Variants in UCK2 observed in about 807,000 individuals in gnomAD.
UCK2 encodes the protein uridine-cytidine kinase 2, also known as cytidine monophosphokinase 2.
A neutral mutation model predicts 30.8 loss-of-function variants in UCK2; 6 were observed. That is an observed-to-expected ratio of 0.19 (90% CI 0.11 to 0.38). The LOEUF (loss-of-function observed/expected upper bound fraction) is 0.38. UCK2 is among the 10% of genes least tolerant of loss of function. The probability of loss-of-function intolerance (pLI) is 1.00; values close to 1 mark genes in which losing one functional copy is unlikely to be tolerated. For missense variants in UCK2, 210 were observed against 339.8 expected, an observed-to-expected ratio of 0.62 and a Z score of 3.00; for synonymous variants, 125 against 133.6, an observed-to-expected ratio of 0.94 and a Z score of 0.45.
chr1:165,841,876 CTT>C (rs1654340046), intron 1 of UCK2, among the ~76,000 whole-genome samples: 1 of 152,204 alleles, frequency 6.6e-6, no homozygotes, highest in Admixed American at 6.5e-5. Context: ...AGTTATCCCT[CTT>C]GTGTCCCCAG....
At chr1:165,855,888 C>T (rs185015561) in intron 1 of UCK2, among the ~76,000 whole-genome samples, 38 of 152,286 alleles carry the variant, frequency 2.5e-4, no homozygotes, top group African/African-American at 7.2e-4. Flanking sequence ...AATCAAAATA[C>T]ACAATCTATT....
intron 1 of UCK2, among the ~76,000 whole-genome samples, chr1:165,866,053 G>C (rs1655037920): frequency 6.6e-6 from 1 of 151,962 alleles, no homozygotes; most frequent in Non-Finnish European, 1.5e-5. Context: ...GGAAGAAGGG[G>C]AGGAGCAGGG....
chr1:165,827,821 G>A lies in UCK2; in HGVS notation c.-13G>A. 1 of 1,420,354 alleles carries A rather than the reference G, an allele frequency of 7.0e-7. No individual in the cohort carries two copies. The allele number at this position is 1,420,354 out of a possible 1,614,324, so 88.0% of individuals were successfully genotyped here. A position where few individuals can be genotyped will look rare whatever the true frequency, so the allele number is the denominator to read the frequency against. On this transcript the variant is annotated 5_prime_UTR_variant, in exon 1 of 7. Transcript: ENST00000367879. ...CGTTCGCACAGGCAGCGGGAGGAGG[G>A]GCGGCGCGAACCATGGCCGGGGACA...
intron 1 of UCK2, among the ~76,000 whole-genome samples, chr1:165,864,755 C>A (rs1370072620): frequency 6.6e-6 from 1 of 152,204 alleles, no homozygotes; most frequent in Admixed American, 6.5e-5. Flanking sequence ...TCATAGCTCA[C>A]TGCAGCCCCG....
intron 1 of UCK2, among the ~76,000 whole-genome samples, chr1:165,867,611 T>TAAG (rs1655079209): frequency 6.6e-6 from 1 of 152,242 alleles, no homozygotes; most frequent in Non-Finnish European, 1.5e-5. Flanking sequence ...ACTACTTTCG[T>TAAG]AAGAAGAAAC....
Position 165,850,954 on chromosome 1 carries a change from T to TA in UCK2, c.99+23024dup, listed in dbSNP as rs1553197162. Among the ~76,000 whole-genome samples, 291 of 118,538 alleles carry TA rather than the reference T, an allele frequency of 2.5e-3. 7 individuals carry two copies. Among genetic ancestry groups the TA allele is most frequent in the Middle Eastern group, 0.02 (4 of 198 alleles). 77.8% of individuals were successfully genotyped at this position (118,538 alleles called of 152,430 possible). ...TTTTTTTTTTTTTTTTTTTTTTTTT[T>TA]AATAGAGAATGGGTCTCGCTATGTT... is the stretch of plus-strand genomic sequence containing the variant. On this transcript the variant is annotated intron_variant, in intron 1 of 6. Transcript: ENST00000367879.
chr1:165,843,962 C>T (rs1654388191), intron 1 of UCK2, among the ~76,000 whole-genome samples: 1 of 152,140 alleles, frequency 6.6e-6, no homozygotes, highest in Admixed American at 6.5e-5. Flanking sequence ...TTGGTAATAG[C>T]TAATACTTCC....
intron 1 of UCK2, among the ~76,000 whole-genome samples, chr1:165,833,431 A>G (rs1401889843): frequency 1.3e-5 from 2 of 152,070 alleles, no homozygotes; most frequent in African/African-American, 4.8e-5. Flanking sequence ...AGCCATGCCT[A>G]GCACGATGTC....
intron 4 of UCK2, among the ~76,000 whole-genome samples, chr1:165,899,175 G>A (rs1285027068): frequency 6.6e-6 from 1 of 152,138 alleles, no homozygotes; most frequent in African/African-American, 2.4e-5. Flanking sequence ...CCTCATGTGG[G>A]AGAGAGATCT....
chr1:165,864,074 AG>A (rs58455992), intron 1 of UCK2, among the ~76,000 whole-genome samples: 53,762 of 151,826 alleles, frequency 0.35, 9,723 homozygotes, highest in Non-Finnish European at 0.42. Context: ...CAGCTTTCCA[AG>A]TAGCTGGGAT....
In UCK2 at chr1:165,827,893, C is replaced by T. The variant is rs758796295; in HGVS notation, c.60C>T (p.Pro20=). Residue 20 remains proline (P), a synonymous_variant, in exon 1 of 7, where the codon CCC becomes CCT. Coordinates refer to ENST00000367879, the MANE Select transcript of UCK2 (RefSeq NM_012474.5). ...QNHQQPNGGE[P]FLIGVSGGTA... Reference sequence around the variant, plus strand: ...ACCAGCAGCCCAACGGCGGCGAGCCCTTCCTTATAGGCGTCAGCGGGGGAA... The same window carrying T: ...ACCAGCAGCCCAACGGCGGCGAGCCTTTCCTTATAGGCGTCAGCGGGGGAA... 2.0e-6 allele frequency: 3 copies of T among 1,477,074 alleles called. No homozygotes were observed. The highest frequency in any genetic ancestry group is 2.8e-5 in the East Asian group (1 of 35,786). The allele number at this position is 1,477,074 out of a possible 1,614,324, so 91.5% of individuals were successfully genotyped here. A position where few individuals can be genotyped will look rare whatever the true frequency, so the allele number is the denominator to read the frequency against.
intron 5 of UCK2, among the ~76,000 whole-genome samples, 183 bp from the exon 6 acceptor site, chr1:165,905,738 A>G (rs1647635822): frequency 6.6e-6 from 1 of 152,178 alleles, no homozygotes; most frequent in African/African-American, 2.4e-5. Flanking sequence ...AGGTTTCCCC[A>G]AATTTCTATT....
At chr1:165,842,611 A>G (rs767248668) in intron 1 of UCK2, among the ~76,000 whole-genome samples, 15 of 151,952 alleles carry the variant, frequency 9.9e-5, no homozygotes, top group Admixed American at 3.3e-4. Context: ...TCTCCTCCCA[A>G]TCCACATCCA....
intron 1 of UCK2, among the ~76,000 whole-genome samples, chr1:165,876,369 T>C (rs1426007351): frequency 6.6e-6 from 1 of 152,188 alleles, no homozygotes; most frequent in Non-Finnish European, 1.5e-5. Flanking sequence ...TTCTGAGTAT[T>C]TAGTAAGTAT....
intron 1 of UCK2, 58 bp from the exon 2 acceptor site, chr1:165,890,146 C>T (rs529793056): frequency 1.3e-6 from 2 of 1,599,238 alleles, no homozygotes; most frequent in African/African-American, 2.7e-5. Flanking sequence ...CTCGGGACTT[C>T]CTCTGTACCA....
At position 165,830,172 on chromosome 1, in the gene UCK2, A is replaced by AT. The variant is rs111597283; in HGVS notation, c.99+2253dup. 7.7e-3 allele frequency among the ~76,000 whole-genome samples: 1,100 copies of AT among 143,700 alleles called. 11 individuals are homozygous for AT. Among genetic ancestry groups the AT allele is most frequent in the African/African-American group, 0.024 (933 of 39,376 alleles). The allele number at this position is 143,700 out of a possible 152,430, so 94.3% of individuals were successfully genotyped here. The stretch of plus-strand genomic sequence containing the variant: ...AGGCTTGCACCATCATGCCCGACTA[A>AT]TTTTTTTTTTTTTGTAGAGAAGGGG... On this transcript the variant is annotated intron_variant, in intron 1 of 6. Coordinates refer to ENST00000367879, the MANE Select transcript of UCK2 (RefSeq NM_012474.5).
rs577994321 is a variant in UCK2, at chr1:165,828,999, G to A, written c.99+1067G>A. Among the ~76,000 whole-genome samples the A allele has an allele frequency of 3.3e-5, 5 of 152,264 alleles. No homozygotes were observed. The South Asian group carries it at 6.2e-4, about 19-fold the overall frequency. On this transcript the variant is annotated intron_variant, in intron 1 of 6. Coordinates refer to ENST00000367879, the MANE Select transcript of UCK2 (RefSeq NM_012474.5). ...CGGCTGGGGAGAGCAGAGCAGGAAG[G>A]CTGGTTGGCGCCATGAGGAAAGAGC...
At chr1:165,905,995 G>A (rs199890102) in intron 6 of UCK2, 26 bp downstream of exon 6, 33 of 1,606,832 alleles carry the variant, frequency 2.1e-5, no homozygotes, top group Non-Finnish European at 2.8e-5. Flanking sequence ...GTGTCATCCT[G>A]GAGTATAATG....
At chr1:165,898,897 C>T (rs1261731897) in intron 4 of UCK2, among the ~76,000 whole-genome samples, 1 of 152,202 alleles carries the variant, frequency 6.6e-6, no homozygotes, top group African/African-American at 2.4e-5. Flanking sequence ...GCTAACTTCA[C>T]ATGTCACCTA....
Sources: allele counts gnomAD v4.1 joint callset (sites outside exome capture counted in the v4.1 genomes callset), GRCh38; gene constraint gnomAD v4.1.1; transcripts MANE v1.5; gene names NCBI Gene and HGNC (gene_info 2026-07-23, HGNC 2026-07-21).